NRG1: variants seen among roughly 807,000 people sequenced by gnomAD.
NRG1 encodes neuregulin 1, also known as pro-neuregulin-1, membrane-bound isoform.
Under a neutral mutation model 63.8 loss-of-function variants are expected in NRG1, and 18 were observed. The observed-to-expected ratio is 0.28, with a 90% confidence interval of 0.19 to 0.42. The LOEUF (loss-of-function observed/expected upper bound fraction) is 0.42, where lower values mean the gene tolerates loss of function less well. NRG1 is among the 10% of genes least tolerant of loss of function. The pLI is 1.00. For missense variants in NRG1, 762 were observed against 814.7 expected, an observed-to-expected ratio of 0.94 and a Z score of 0.79; for synonymous variants, 302 against 301.3, an observed-to-expected ratio of 1.00 and a Z score of -0.02.
chr8:32,392,271 C>A (rs139184697), intron 1 of NRG1, among the ~76,000 whole-genome samples: 2,015 of 152,286 alleles, frequency 0.013, 46 homozygotes, highest in African/African-American at 0.046. Flanking sequence ...GAATTGCATT[C>A]TTCCTCTAAA....
At chr8:32,721,567 T>C (rs1450714744) in intron 5 of NRG1, among the ~76,000 whole-genome samples, 1 of 152,196 alleles carries the variant, frequency 6.6e-6, no homozygotes, top group African/African-American at 2.4e-5. Context: ...TCAAGAGAGA[T>C]GATACATTAC....
intron 7 of NRG1, among the ~76,000 whole-genome samples, chr8:32,773,264 A>G (rs1238698332): frequency 1.3e-5 from 2 of 152,158 alleles, no homozygotes; most frequent in Non-Finnish European, 2.9e-5. Flanking sequence ...TTTCTTTCAC[A>G]ACATGAAAAT....
chr8:31,694,165 G>A (rs1809815546), intron 1 of NRG1, among the ~76,000 whole-genome samples: 1 of 152,092 alleles, frequency 6.6e-6, no homozygotes, highest in Non-Finnish European at 1.5e-5. Flanking sequence ...TGAGGTGGTG[G>A]GAAGGTGAGA....
At chr8:32,232,620 A>G (rs538473935) in intron 1 of NRG1, among the ~76,000 whole-genome samples, 27 of 152,166 alleles carry the variant, frequency 1.8e-4, no homozygotes, top group Non-Finnish European at 3.2e-4. Context: ...GTGAATTAGC[A>G]AACATTCTCA....
intron 1 of NRG1, among the ~76,000 whole-genome samples, chr8:32,108,901 A>G (rs1217886077): frequency 2.6e-5 from 4 of 152,194 alleles, no homozygotes; most frequent in Non-Finnish European, 4.4e-5. Context: ...GAACCGTAAG[A>G]TAATAAATTC....
At chr8:32,375,294 A>G (rs909436009) in intron 1 of NRG1, among the ~76,000 whole-genome samples, 1 of 152,110 alleles carries the variant, frequency 6.6e-6, no homozygotes, top group African/African-American at 2.4e-5. Context: ...GCATTTTTAG[A>G]CAGCTACCCC....
intron 1 of NRG1, among the ~76,000 whole-genome samples, chr8:32,009,169 G>C (rs1814312977): frequency 6.6e-6 from 1 of 152,000 alleles, no homozygotes; most frequent in Non-Finnish European, 1.5e-5. Context: ...TGTATAATAT[G>C]ACCGTATATG....
chr8:31,727,942 C>T (rs562009616), intron 1 of NRG1, among the ~76,000 whole-genome samples: 23 of 152,112 alleles, frequency 1.5e-4, no homozygotes, highest in African/African-American at 5.1e-4. Flanking sequence ...ATTGTGATAA[C>T]GCAGACATCT....
intron 1 of NRG1, among the ~76,000 whole-genome samples, chr8:32,412,996 TA>T (rs1815329259): frequency 6.6e-6 from 1 of 152,156 alleles, no homozygotes; most frequent in African/African-American, 2.4e-5. Flanking sequence ...CGCCCAAAGC[TA>T]CACACTGCAT....
At chr8:32,538,555 C>T (rs1347230116) in intron 1 of NRG1, among the ~76,000 whole-genome samples, 6 of 152,150 alleles carry the variant, frequency 3.9e-5, no homozygotes, top group Admixed American at 1.3e-4. Flanking sequence ...TTGAATCCCT[C>T]AAACTGTAAC....
chr8:31,988,237 T>C (rs1038321434), intron 1 of NRG1, among the ~76,000 whole-genome samples: 3 of 152,156 alleles, frequency 2.0e-5, no homozygotes, highest in Admixed American at 6.6e-5. Flanking sequence ...CCACAGACAA[T>C]TGGGTTAATG....
intron 1 of NRG1, among the ~76,000 whole-genome samples, chr8:31,680,721 C>T (rs989683847): frequency 6.6e-6 from 1 of 152,018 alleles, no homozygotes; most frequent in African/African-American, 2.4e-5. Flanking sequence ...GCCACACTGA[C>T]TTCCACAATG....
chr8:32,438,625 A>G (rs1587657456), intron 1 of NRG1, among the ~76,000 whole-genome samples: 1 of 152,316 alleles, frequency 6.6e-6, no homozygotes. Flanking sequence ...ATTTTCCAAA[A>G]TTAGATGTGC....
At chr8:32,129,661 C>A (rs1478393788) in intron 1 of NRG1, among the ~76,000 whole-genome samples, 1 of 151,860 alleles carries the variant, frequency 6.6e-6, no homozygotes, top group African/African-American at 2.4e-5. Flanking sequence ...ATTGCTAAAC[C>A]AATTAACTAA....
At chr8:31,936,422 CA>C (rs1478662833) in intron 1 of NRG1, among the ~76,000 whole-genome samples, 1 of 152,136 alleles carries the variant, frequency 6.6e-6, no homozygotes, top group Non-Finnish European at 1.5e-5. Flanking sequence ...CTTGTGTAAG[CA>C]CCATGACTTC....
At position 32,728,084 on chromosome 8, in the gene NRG1, A is replaced by C; in HGVS notation, c.632+6A>C. The C allele has an allele frequency of 6.2e-7, 1 of 1,613,938 alleles. No individual in the cohort carries two copies. Among genetic ancestry groups the C allele is most frequent in the East Asian group, 2.2e-5 (1 of 44,848 alleles). On this transcript the variant is annotated splice_donor_region_variant and intron_variant, in intron 6 of 11. Coordinates refer to ENST00000356819, the Ensembl canonical transcript of NRG1. ...CCCTCGAGATACTTGTGCAAGTAAGAAAAGAAATCCTGTGTGTCGCTTATG... is the reference window on the plus strand; with the variant it reads ...CCCTCGAGATACTTGTGCAAGTAAGCAAAGAAATCCTGTGTGTCGCTTATG...
rs776484265 is a variant in NRG1, at chr8:32,686,687, G to A, written c.503-41262G>A. Among the ~76,000 whole-genome samples the A allele has an allele frequency of 4.3e-4, 65 of 152,320 alleles. 1 individual carries two copies. The highest frequency in any genetic ancestry group is 1.0e-3 in the Admixed American group (16 of 15,300). ...TAAATCCAGCCCTCTGATTCTATAAGGCAAATGACAAGGCTGTCTAGACAT... is the reference window on the plus strand; with the variant it reads ...TAAATCCAGCCCTCTGATTCTATAAAGCAAATGACAAGGCTGTCTAGACAT... On this transcript the variant is annotated intron_variant, in intron 5 of 11. Coordinates refer to ENST00000356819, the Ensembl canonical transcript of NRG1.
chr8:32,229,620 C>T (rs942929726), intron 1 of NRG1, among the ~76,000 whole-genome samples: 4 of 152,096 alleles, frequency 2.6e-5, no homozygotes, highest in South Asian at 4.2e-4. Context: ...TTTAAAGCAC[C>T]GTCTGCCCTT....
chr8:32,486,029 G>A (rs559602425), intron 1 of NRG1, among the ~76,000 whole-genome samples: 1 of 152,164 alleles, frequency 6.6e-6, no homozygotes, highest in African/African-American at 2.4e-5. Context: ...CTGGGTTTAA[G>A]CAATTCTCCT....
Sources: allele counts gnomAD v4.1 joint callset (sites outside exome capture counted in the v4.1 genomes callset), GRCh38; gene constraint gnomAD v4.1.1; transcripts MANE v1.5; gene names NCBI Gene and HGNC (gene_info 2026-07-23, HGNC 2026-07-21).